AFG1L: variants seen among roughly 807,000 people sequenced by gnomAD.
AFG1L encodes AFG1 like ATPase.
AFG1L carries 53 observed loss-of-function variants against 62.2 expected under a neutral mutation model. The observed-to-expected ratio is 0.85, with a 90% CI of 0.68 to 1.07. AFG1L has a LOEUF of 1.07. Among genes scored for constraint, AFG1L ranks in the 50% least tolerant of loss-of-function variants. AFG1L has a pLI of 0.00. For synonymous variants in AFG1L, 228 were observed against 210.3 expected, an observed-to-expected ratio of 1.08 and a Z score of -0.73; for missense variants, 555 against 590.5, an observed-to-expected ratio of 0.94 and a Z score of 0.62.
At chr6:108,446,808 G>C (rs1771825584) in intron 7 of AFG1L, among the ~76,000 whole-genome samples, 1 of 151,866 alleles carries the variant, frequency 6.6e-6, no homozygotes, top group Non-Finnish European at 1.5e-5. Context: ...TCCACTCCCA[G>C]CTCTCTTATG....
intron 7 of AFG1L, among the ~76,000 whole-genome samples, chr6:108,442,189 CTT>C (rs554023221): frequency 4.2e-5 from 6 of 143,082 alleles, no homozygotes; most frequent in African/African-American, 5.1e-5. Context: ...TTTCCTTCTT[CTT>C]TTTTTTTTTT....
intron 10 of AFG1L, among the ~76,000 whole-genome samples, chr6:108,484,700 A>G (rs1773454339): frequency 6.6e-6 from 1 of 152,218 alleles, no homozygotes; most frequent in Non-Finnish European, 1.5e-5. Context: ...AATGATAAAG[A>G]AGGTTTTTGG....
At chr6:108,317,264 G>A (rs1281759689) in intron 1 of AFG1L, among the ~76,000 whole-genome samples, 2 of 152,234 alleles carry the variant, frequency 1.3e-5, no homozygotes, top group Non-Finnish European at 2.9e-5. Flanking sequence ...CCACACAGGA[G>A]AACTGGAGTT....
intron 5 of AFG1L, among the ~76,000 whole-genome samples, chr6:108,357,582 T>C (rs1340706370): frequency 6.6e-6 from 1 of 152,174 alleles, no homozygotes; most frequent in Admixed American, 6.5e-5. Context: ...TATAAAACAA[T>C]GTCTTTAAAG....
At chr6:108,400,557 A>G (rs1307695054) in intron 6 of AFG1L, among the ~76,000 whole-genome samples, 1 of 138,970 alleles carries the variant, frequency 7.2e-6, no homozygotes, top group African/African-American at 2.7e-5. Flanking sequence ...TGCATTATAT[A>G]TTTATATAAA....
At chr6:108,304,334 A>G (rs1777123241) in intron 1 of AFG1L, among the ~76,000 whole-genome samples, 1 of 152,216 alleles carries the variant, frequency 6.6e-6, no homozygotes. Context: ...TTTTTGGGTC[A>G]TTGATGACCA....
At chr6:108,362,122 C>A (rs1779561882) in intron 5 of AFG1L, among the ~76,000 whole-genome samples, 1 of 152,176 alleles carries the variant, frequency 6.6e-6, no homozygotes, top group Non-Finnish European at 1.5e-5. Context: ...ATTTCTCAAG[C>A]AAAATCAGCA....
At chr6:108,386,815 T>C (rs1034013070) in intron 6 of AFG1L, among the ~76,000 whole-genome samples, 10 of 152,220 alleles carry the variant, frequency 6.6e-5, no homozygotes, top group African/African-American at 2.4e-4. Context: ...CTACATTTTT[T>C]TGAAGTGATA....
At chr6:108,407,277 C>T (rs1189940718) in intron 7 of AFG1L, among the ~76,000 whole-genome samples, 2 of 152,092 alleles carry the variant, frequency 1.3e-5, no homozygotes, top group Admixed American at 6.6e-5. Flanking sequence ...GTTAAGTTGC[C>T]CTTTTCCTGC....
chr6:108,428,441 G>C (rs191922825), intron 7 of AFG1L, among the ~76,000 whole-genome samples: 1 of 152,126 alleles, frequency 6.6e-6, no homozygotes, highest in Non-Finnish European at 1.5e-5. Context: ...TTGATGTAAT[G>C]GTTTCTTTTC....
At chr6:108,520,889 A>C (rs1775099849) in intron 12 of AFG1L, 1 of 152,236 alleles carries the variant, frequency 6.6e-6, no homozygotes, top group Admixed American at 6.5e-5. Flanking sequence ...TATAAACCTC[A>C]CATGGTGGAA....
intron 1 of AFG1L, among the ~76,000 whole-genome samples, chr6:108,308,894 AT>A (rs1777303358): frequency 6.6e-6 from 1 of 152,156 alleles, no homozygotes; most frequent in African/African-American, 2.4e-5. Flanking sequence ...TTTAGTAGAG[AT>A]GGGGTTTCAC....
chr6:108,481,402 AG>A (rs755490629), intron 10 of AFG1L, among the ~76,000 whole-genome samples: 22 of 152,302 alleles, frequency 1.4e-4, no homozygotes, highest in Admixed American at 2.6e-4. Flanking sequence ...ATAGACCTCT[AG>A]GGGTCCCCGA....
chr6:108,437,975 A>G (rs769991499), intron 7 of AFG1L, among the ~76,000 whole-genome samples: 11 of 152,170 alleles, frequency 7.2e-5, no homozygotes, highest in Non-Finnish European at 1.3e-4. Flanking sequence ...TTGTGAATTT[A>G]CTGAGATGTT....
At chr6:108,299,615 A>G (rs143651808) in intron 1 of AFG1L, among the ~76,000 whole-genome samples, 46 of 152,266 alleles carry the variant, frequency 3.0e-4, no homozygotes, top group African/African-American at 1.1e-3. Flanking sequence ...ATTGGGAGCC[A>G]TGAGAATAGA....
At chr6:108,336,452 A>G (rs1288820043) in intron 2 of AFG1L, among the ~76,000 whole-genome samples, 3 of 152,214 alleles carry the variant, frequency 2.0e-5, no homozygotes, top group Non-Finnish European at 2.9e-5. Flanking sequence ...ATTTCAATGT[A>G]TAACTTTGAT....
Position 108,356,679 on chromosome 6 carries a change from A to T in AFG1L, c.518-11A>T. On this transcript the variant is annotated splice_polypyrimidine_tract_variant and intron_variant, in intron 4 of 12. Transcript: ENST00000368977. ...ATATATTTCATCTGTGTTTAATTTC[A>T]TGCATTTAAGGAATACATCGCCTTA... 6.4e-7 allele frequency: 1 copy of T among 1,573,790 alleles called. No homozygotes were observed. Among genetic ancestry groups the T allele is most frequent in the South Asian group, 1.2e-5 (1 of 83,782 alleles).
intron 2 of AFG1L, among the ~76,000 whole-genome samples, chr6:108,332,597 G>A (rs1324134373): frequency 2.0e-5 from 3 of 152,170 alleles, no homozygotes; most frequent in Admixed American, 2.0e-4. Flanking sequence ...GTAACTTTGT[G>A]AACTTGGGAA....
intron 1 of AFG1L, among the ~76,000 whole-genome samples, chr6:108,316,809 A>G (rs1357415777): frequency 4.6e-5 from 7 of 152,064 alleles, no homozygotes; most frequent in Non-Finnish European, 8.8e-5. Flanking sequence ...TGGGATTACA[A>G]GCATGAGCCA....
Sources: allele counts gnomAD v4.1 joint callset (sites outside exome capture counted in the v4.1 genomes callset), GRCh38; gene constraint gnomAD v4.1.1; transcripts MANE v1.5; gene names NCBI Gene and HGNC (gene_info 2026-07-23, HGNC 2026-07-21).